Variants in SLC12A9 observed in about 807,000 individuals in gnomAD.
SLC12A9 encodes the protein CCC-interacting protein 1.
In SLC12A9, 55 loss-of-function variants were observed where a neutral mutation model predicts 66.0. That is an observed-to-expected ratio of 0.83 (90% CI 0.67 to 1.04). SLC12A9 has a LOEUF of 1.04. SLC12A9 is among the 50% of genes least tolerant of loss of function. The pLI is 0.00. For missense variants in SLC12A9, 1,061 were observed against 1,241.9 expected (o/e 0.85, Z 2.19); for synonymous variants, 577 against 569.0 (o/e 1.01, Z -0.20).
At chr7:100,837,019 ACT>A (rs1182481024) in intron 1 of SLC12A9, among the ~76,000 whole-genome samples, 6 of 152,102 alleles carry the variant, frequency 3.9e-5, no homozygotes, top group Non-Finnish European at 7.4e-5. Flanking sequence ...CTGGGGGAAC[ACT>A]CTGAGGTCAC....
At chr7:100,856,844 A>G in intron 4 of SLC12A9, 24 bp from the exon 5 acceptor site, 1 of 1,550,244 alleles carries the variant, frequency 6.5e-7, no homozygotes, top group Non-Finnish European at 8.7e-7. Flanking sequence ...CGGGCCTTCT[A>G]ACTCTGTCCC....
In SLC12A9 at chr7:100,837,817, A is replaced by C. The variant is rs140970271; in HGVS notation, n.228+10770A>C. Among the ~76,000 whole-genome samples, 72 of 108,172 alleles carry C rather than the reference A, an allele frequency of 6.7e-4. No individual in the cohort carries two copies. The East Asian group carries it at 0.018, about 27-fold the overall frequency. The allele number at this position is 108,172 out of a possible 152,430, so 71.0% of individuals were successfully genotyped here. A position where few individuals can be genotyped will look rare whatever the true frequency, so the allele number is the denominator to read the frequency against. ...GGGATTATAAACCTGAGCCAATTTT[A>C]TTTCATCTATTTATTTTTAAAACAT... On this transcript the variant is annotated intron_variant and non_coding_transcript_variant, in intron 1 of 1. Coordinates refer to the SLC12A9 transcript ENST00000461016.
At position 100,861,874 on chromosome 7, in the gene SLC12A9, G is replaced by A. The variant is rs1450843017; in HGVS notation, c.1674G>A (p.Gly558=). Residue 558 remains glycine (G), a synonymous_variant, in exon 12 of 14, where the codon GGG becomes GGA. Coordinates refer to ENST00000354161, the MANE Select transcript of SLC12A9 (RefSeq NM_020246.4). This position sits in a 1 kb window ranked among gnomAD's most constrained non-coding sequence, Gnocchi z 5.3. ...TGGCCAACCAGCTTAAGAAGGGGGG[G>A]CTGTATGTGCTGGGCCACGTCACCC... ...LRLANQLKKG[G]LYVLGHVTLG... The A allele has an allele frequency of 1.2e-6, 2 of 1,612,550 alleles. No individual in the cohort carries two copies. The highest frequency in any genetic ancestry group is 2.2e-5 in the East Asian group (1 of 44,854).
chr7:100,833,919 C>A (rs1307310044), intron 1 of SLC12A9, among the ~76,000 whole-genome samples: 83 of 116,732 alleles, frequency 7.1e-4, no homozygotes, highest in African/African-American at 3.0e-3. Flanking sequence ...AGGTACAGAG[C>A]GAGACTCTGT....
chr7:100,828,580 G>A (rs1813476566), intron 1 of SLC12A9, among the ~76,000 whole-genome samples: 1 of 151,316 alleles, frequency 6.6e-6, no homozygotes, highest in Non-Finnish European at 1.5e-5. Flanking sequence ...AAAAAAGGTG[G>A]GTGTGTCCGA....
At position 100,859,686 on chromosome 7, in the gene SLC12A9, G is replaced by C. The variant is rs1050241496; in HGVS notation, c.978-199G>C. The stretch of plus-strand genomic sequence containing the variant: ...TGATTACAGCACTGCACTTTAGCCT[G>C]GGGGTTGGAGTGAGACCTTGTCTCT... On this transcript the variant is annotated intron_variant, in intron 7 of 13. Transcript: ENST00000354161. 4.8e-6 allele frequency: 3 copies of C among 629,192 alleles called. No homozygotes were observed. The African/African-American group carries it at 5.5e-5, about 12-fold the overall frequency. 39.0% of individuals were successfully genotyped at this position (629,192 alleles called of 1,614,324 possible).
rs752873494 is a variant in SLC12A9, at chr7:100,860,133, G to A, written c.1136-17G>A. On this transcript the variant is annotated splice_polypyrimidine_tract_variant and intron_variant, in intron 8 of 13. Coordinates refer to ENST00000354161, the MANE Select transcript of SLC12A9 (RefSeq NM_020246.4). ...GAGCCCTGGCTGATGTGTCTGCTGTGGATTCTGTTTTTCTAGGCGTGATCT... is the reference window on the plus strand; with the variant it reads ...GAGCCCTGGCTGATGTGTCTGCTGTAGATTCTGTTTTTCTAGGCGTGATCT... 6.2e-7 allele frequency: 1 copy of A among 1,614,166 alleles called. No individual in the cohort carries two copies. The highest frequency in any genetic ancestry group is 8.5e-7 in the Non-Finnish European group (1 of 1,180,038).
chr7:100,826,907 C>A lies in SLC12A9; in HGVS notation n.88C>A, dbSNP rs1584670392. The A allele has an allele frequency of 2.6e-6, 4 of 1,517,564 alleles. No individual in the cohort carries two copies. In the East Asian group the frequency reaches 7.7e-5, roughly 29 times the overall value. The allele number at this position is 1,517,564 out of a possible 1,614,324, so 94.0% of individuals were successfully genotyped here. A position where few individuals can be genotyped will look rare whatever the true frequency, so the allele number is the denominator to read the frequency against. ...GGGTAGTCAGAGGCCGGCCCCTCCA[C>A]TCCGAGGCCCAGATGTTGGGGGGGA... On this transcript the variant is annotated non_coding_transcript_exon_variant, in exon 1 of 2. Transcript: ENST00000461016.
chr7:100,861,524 C>A lies in SLC12A9; in HGVS notation c.1476C>A (p.Leu492=), dbSNP rs1193344002. 2 of 1,613,852 alleles carry A rather than the reference C, an allele frequency of 1.2e-6. No individual in the cohort carries two copies. Among genetic ancestry groups the A allele is most frequent in the East Asian group, 2.2e-5 (1 of 44,882 alleles). ...TCATGGGTCTGCTGGCTGCCCTGCT[C>A]ACCGCGCGAGGAGGCCCCAGTAGCT... ...LLLMGLLAAL[L]TARGGPSSWG... Residue 492 remains leucine (L), a synonymous_variant, in exon 11 of 14, where the codon CTC becomes CTA. Transcript: ENST00000354161. The surrounding 1 kb of genome is among the most constrained non-coding windows in gnomAD (Gnocchi z 5.3).
At position 100,866,341 on chromosome 7, in the gene SLC12A9, C is replaced by T. The variant is rs976903411; in HGVS notation, c.2481C>T (p.Asp827=). 1.1e-5 allele frequency: 16 copies of T among 1,506,886 alleles called. No individual in the cohort carries two copies. The highest frequency in any genetic ancestry group is 4.2e-5 in the African/African-American group (3 of 72,126). The allele number at this position is 1,506,886 out of a possible 1,614,324, so 93.3% of individuals were successfully genotyped here. The change falls in exon 14 of 14, where the codon GAC becomes GAT. Residue 827 remains aspartate, a synonymous_variant. Coordinates refer to ENST00000354161, the MANE Select transcript of SLC12A9 (RefSeq NM_020246.4). The surrounding 1 kb of genome is among the most constrained non-coding windows in gnomAD (Gnocchi z 7.3). ...EGDFVNSGRG[D]AEAEALARSA... ...ACTTTGTGAACAGTGGGCGGGGAGA[C>T]GCAGAGGCAGAGGCCCTGGCACGCA...
intron 1 of SLC12A9, among the ~76,000 whole-genome samples, chr7:100,836,717 G>A (rs1194733361): frequency 6.6e-6 from 1 of 152,084 alleles, no homozygotes; most frequent in Non-Finnish European, 1.5e-5. Flanking sequence ...TGCTCAGCTC[G>A]CCTCTCTTCC....
At position 100,865,961 on chromosome 7, in the gene SLC12A9, C is replaced by A. The variant is rs767952877; in HGVS notation, c.2101C>A (p.Arg701=). 33 of 1,613,042 alleles carry A rather than the reference C, an allele frequency of 2.0e-5. No individual in the cohort carries two copies. The highest frequency in any genetic ancestry group is 2.6e-5 in the Non-Finnish European group (31 of 1,179,910). ...LKMNKNVVLA[R]ASGALPPERL... is the part of the protein sequence containing the mutation. ...GATGAACAAGAATGTGGTGCTGGCC[C>A]GGGCCAGCGGGGCCTTGCCCCCTGA... Residue 701 remains arginine, a synonymous_variant, in exon 14 of 14, where the codon CGG becomes AGG. Coordinates refer to ENST00000354161, the MANE Select transcript of SLC12A9 (RefSeq NM_020246.4).
Position 100,857,123 on chromosome 7 carries a change from G to C in SLC12A9, c.704G>C (p.Arg235Pro). ...PGPNGSSLPPRFGHFTGFNSS... is the reference protein window; with the variant it reads ...PGPNGSSLPPPFGHFTGFNSS... ...CCCAATGGCTCCTCCCTGCCGCCCCGGTTTGGCCACTTCACCGGCTTCAAC... is the reference window on the plus strand; with the variant it reads ...CCCAATGGCTCCTCCCTGCCGCCCCCGTTTGGCCACTTCACCGGCTTCAAC... The change falls in exon 5 of 14, where the codon CGG becomes CCG. Residue 235 changes from arginine (R) to proline (P), a missense_variant. Transcript: ENST00000354161. 1 of 1,614,156 alleles carries C rather than the reference G, an allele frequency of 6.2e-7. No homozygotes were observed. The highest frequency in any genetic ancestry group is 8.5e-7 in the Non-Finnish European group (1 of 1,180,022).
At chr7:100,846,219 G>C (rs1015903541) in intron 1 of SLC12A9, among the ~76,000 whole-genome samples, 1 of 152,186 alleles carries the variant, frequency 6.6e-6, no homozygotes, top group African/African-American at 2.4e-5. Flanking sequence ...AATAGTAATA[G>C]GAACCTGCTT....
chr7:100,842,319 T>C (rs1813806235), intron 1 of SLC12A9, among the ~76,000 whole-genome samples: 1 of 152,226 alleles, frequency 6.6e-6, no homozygotes, highest in Non-Finnish European at 1.5e-5. Context: ...AGTCAATTTC[T>C]CCTCAAACTA....
At chr7:100,859,755 C>T in intron 7 of SLC12A9, 130 bp from the exon 8 acceptor site, 1 of 1,131,820 alleles carries the variant, frequency 8.8e-7, no homozygotes, top group Non-Finnish European at 1.2e-6. Context: ...AAATCCAAGG[C>T]TGCCCAATGA....
At chr7:100,853,140 G>A (rs898864929) in intron 1 of SLC12A9, 1 of 152,136 alleles carries the variant, frequency 6.6e-6, no homozygotes, top group Admixed American at 6.5e-5. Flanking sequence ...GACGGAGGGT[G>A]GGGTTTTGAA....
At position 100,854,182 on chromosome 7, in the gene SLC12A9, C is replaced by T; in HGVS notation, c.-16C>T. The T allele has an allele frequency of 6.5e-7, 1 of 1,549,050 alleles. No individual in the cohort carries two copies. ...TCACCTAACCCATTTGTGGCTTCCT[C>T]TACCTGTGCTCAGCCATGGCCAGCG... On this transcript the variant is annotated 5_prime_UTR_variant, in exon 2 of 14. Coordinates refer to ENST00000354161, the MANE Select transcript of SLC12A9 (RefSeq NM_020246.4).
Position 100,865,783 on chromosome 7 carries a change from C to T in SLC12A9, c.1923C>T (p.Phe641=). The T allele has an allele frequency of 1.2e-6, 2 of 1,614,054 alleles. No homozygotes were observed. The highest frequency in any genetic ancestry group is 1.7e-6 in the Non-Finnish European group (2 of 1,180,026). ...ATGACGCTCCACCGCAGGACCATTT[C>T]CTGACGGACCCGGCTTTCTCTGAGC... The part of the protein sequence containing the change: ...FYDDAPPQDH[F]LTDPAFSEPA... Residue 641 remains phenylalanine (F), a synonymous_variant, in exon 14 of 14, where the codon TTC becomes TTT. Transcript: ENST00000354161.
Sources: gnomAD v4.1 joint callset for allele counts (sites outside exome capture counted in the v4.1 genomes callset) on GRCh38, gnomAD v4.1.1 for gene constraint, Gnocchi (gnomAD v3.1) non-coding constraint, MANE v1.5 for transcripts, NCBI Gene and HGNC (gene_info 2026-07-23, HGNC 2026-07-21) for gene names.